Variants in TIAM2 observed in about 807,000 individuals in gnomAD.
TIAM2 encodes the protein TIAM Rac1 associated GEF 2, also known as rho guanine nucleotide exchange factor TIAM2.
In TIAM2, 80 loss-of-function variants were observed where a neutral mutation model predicts 152.9. The observed-to-expected ratio is 0.52, with a 90% CI of 0.44 to 0.63. TIAM2 has a LOEUF of 0.63. Among genes scored for constraint, TIAM2 ranks in the 30% least tolerant of loss-of-function variants. The pLI is 0.00. For synonymous variants in TIAM2, 804 were observed against 838.0 expected (o/e 0.96, Z 0.70); for missense variants, 1,965 against 2,120.1 (o/e 0.93, Z 1.44).
At chr6:155,057,877 C>T (rs913720926) in intron 1 of TIAM2, among the ~76,000 whole-genome samples, 4 of 152,086 alleles carry the variant, frequency 2.6e-5, no homozygotes, top group East Asian at 1.9e-4. Flanking sequence ...AAAGTCACTC[C>T]GCACAGTCCA....
rs150133516 is a variant in TIAM2 at position 155,143,314 on chromosome 6, A to C, written c.1631-1292A>C. Reference sequence around the variant, plus strand: ...ATTATAATGCAATTTCTAATTAATGAAGCAAACTCTTAATAACTTCTACCT... The same window carrying C: ...ATTATAATGCAATTTCTAATTAATGCAGCAAACTCTTAATAACTTCTACCT... On this transcript the variant is annotated intron_variant, in intron 5 of 26. Transcript: ENST00000682666. Among the ~76,000 whole-genome samples, 192 of 152,362 alleles carry C rather than the reference A, an allele frequency of 1.3e-3. 1 individual carries two copies. The highest frequency in any genetic ancestry group is 3.4e-3 in the Middle Eastern group (1 of 294).
chr6:155,079,583 G>A (rs1255193637), intron 1 of TIAM2, among the ~76,000 whole-genome samples: 1 of 152,212 alleles, frequency 6.6e-6, no homozygotes, highest in Non-Finnish European at 1.5e-5. Flanking sequence ...ACAGCTGGGG[G>A]TTCAGATGTT....
intron 2 of TIAM2, among the ~76,000 whole-genome samples, chr6:155,110,893 T>A (rs1221987203): frequency 6.6e-6 from 1 of 152,186 alleles, no homozygotes; most frequent in Non-Finnish European, 1.5e-5. Context: ...GAATAAAGGT[T>A]CAAAAATCCT....
intron 1 of TIAM2, among the ~76,000 whole-genome samples, chr6:155,073,909 C>T (rs4870347): frequency 0.027 from 4,052 of 152,112 alleles, 185 homozygotes; most frequent in Admixed American, 0.13. Flanking sequence ...ATTGGTAATC[C>T]CCACAAAATC....
intron 1 of TIAM2, chr6:155,016,441 C>G (rs1778583365): frequency 1.4e-5 from 2 of 142,738 alleles, no homozygotes; most frequent in African/African-American, 5.0e-5. Context: ...GTTAATGGTG[C>G]TTGGGAGGAG....
chr6:155,157,019 T>A (rs1382191236), intron 7 of TIAM2, among the ~76,000 whole-genome samples: 1 of 152,236 alleles, frequency 6.6e-6, no homozygotes, highest in Non-Finnish European at 1.5e-5. Flanking sequence ...TCCATGGCTT[T>A]GTCATGATTT....
At position 155,218,850 on chromosome 6, in the gene TIAM2, CGACCATCTCAGCCGCCCACCCGTGTTCTT is replaced by C. The variant is rs1781946178; in HGVS notation, c.3168+7587_3168+7615del. On this transcript the variant is annotated intron_variant, in intron 15 of 26. Transcript: ENST00000682666. The surrounding 1 kb of genome is among the most constrained non-coding windows in gnomAD (Gnocchi z 4.5). Reference sequence around the variant, plus strand: ...CATCTCAGCCATCCACCCGTGTTCTCGACCATCTCAGCCGCCCACCCGTGTTCTTGACCATCTCAGCCGCCCACCCGTGT... The same window carrying C: ...CATCTCAGCCATCCACCCGTGTTCTCGACCATCTCAGCCGCCCACCCGTGT... 2.5e-5 allele frequency among the ~76,000 whole-genome samples: 3 copies of C among 121,428 alleles called. No homozygotes were observed. Among genetic ancestry groups the C allele is most frequent in the Admixed American group, 1.7e-4 (2 of 11,606 alleles). 79.7% of individuals were successfully genotyped at this position (121,428 alleles called of 152,430 possible). A position where few individuals can be genotyped will look rare whatever the true frequency, so the allele number is the denominator to read the frequency against.
chr6:155,238,015 G>C (rs1174173249), intron 15 of TIAM2, among the ~76,000 whole-genome samples: 1 of 152,322 alleles, frequency 6.6e-6, no homozygotes, highest in Non-Finnish European at 1.5e-5. Flanking sequence ...GCATTGTCAG[G>C]CTACAAATTT....
At chr6:155,222,725 C>T (rs1782100190) in intron 15 of TIAM2, among the ~76,000 whole-genome samples, 1 of 151,914 alleles carries the variant, frequency 6.6e-6, no homozygotes, top group Non-Finnish European at 1.5e-5. Flanking sequence ...ATCTGTGAAA[C>T]TCAAGGGTCC....
chr6:155,125,737 C>T (rs551685512), intron 2 of TIAM2, among the ~76,000 whole-genome samples: 1 of 151,938 alleles, frequency 6.6e-6, no homozygotes, highest in South Asian at 2.1e-4. Context: ...ACTTGAGAGG[C>T]TGAGGCAGGG....
chr6:155,178,862 G>A (rs1780823140), intron 10 of TIAM2, among the ~76,000 whole-genome samples, 177 bp from the exon 11 acceptor site: 1 of 151,986 alleles, frequency 6.6e-6, no homozygotes, highest in Non-Finnish European at 1.5e-5. Context: ...GGTGTGAGCC[G>A]CTGCCCCTGG....
At chr6:155,085,402 CATTG>C in intron 1 of TIAM2, among the ~76,000 whole-genome samples, 1 of 152,274 alleles carries the variant, frequency 6.6e-6, no homozygotes, top group Admixed American at 6.5e-5. Flanking sequence ...CACCTTTTCT[CATTG>C]ACCTGCATTG....
chr6:155,125,574 C>T (rs1427873231), intron 2 of TIAM2, among the ~76,000 whole-genome samples: 2 of 152,102 alleles, frequency 1.3e-5, no homozygotes, highest in Non-Finnish European at 2.9e-5. Flanking sequence ...CGCGGTGGCT[C>T]ACGCCTGTTA....
At position 155,203,847 on chromosome 6, in the gene TIAM2, C is replaced by G. The variant is rs955369211; in HGVS notation, c.3065-7357C>G. On this transcript the variant is annotated intron_variant, in intron 14 of 26. Coordinates refer to ENST00000682666, the MANE Select transcript of TIAM2 (RefSeq NM_012454.4). ...GAGGGAAACTAATACTCAGAGGGTG[C>G]AAAATGCTATGGGTTGGATGCATTT... 2.1e-4 allele frequency among the ~76,000 whole-genome samples: 32 copies of G among 152,214 alleles called. 1 individual carries two copies. Among genetic ancestry groups the G allele is most frequent in the Admixed American group, 1.6e-3 (25 of 15,290 alleles).
intron 5 of TIAM2, 98 bp from the exon 6 acceptor site, chr6:155,144,504 TCTCA>T: frequency 7.1e-6 from 8 of 1,128,318 alleles, no homozygotes; most frequent in Non-Finnish European, 9.6e-6. Context: ...CACATGATTG[TCTCA>T]CTCAGGTGTT....
chr6:155,179,575 TA>T, intron 12 of TIAM2, 119 bp downstream of exon 12: 1 of 874,406 alleles, frequency 1.1e-6, no homozygotes, highest in Non-Finnish European at 1.7e-6. Context: ...TATATGACAG[TA>T]GTTTCTGAAC....
intron 9 of TIAM2, chr6:155,168,874 T>C: frequency 6.5e-7 from 1 of 1,535,766 alleles, no homozygotes. Context: ...GCCATGGATT[T>C]TCTGGAACTC....
At chr6:155,170,597 T>A (rs1780561434) in intron 9 of TIAM2, among the ~76,000 whole-genome samples, 1 of 152,096 alleles carries the variant, frequency 6.6e-6, no homozygotes, top group African/African-American at 2.4e-5. Context: ...TAAGACCCCA[T>A]CCCTGAAAAA....
At chr6:155,026,555 TAAAG>T (rs1776606407) in intron 1 of TIAM2, among the ~76,000 whole-genome samples, 1 of 152,220 alleles carries the variant, frequency 6.6e-6, no homozygotes, top group Non-Finnish European at 1.5e-5. Flanking sequence ...GTTTTTGTAA[TAAAG>T]AGGCTGCATG....
Sources: allele counts gnomAD v4.1 joint callset (sites outside exome capture counted in the v4.1 genomes callset), GRCh38; gene constraint gnomAD v4.1.1; non-coding constraint Gnocchi (gnomAD v3.1); transcripts MANE v1.5; gene names NCBI Gene and HGNC (gene_info 2026-07-23, HGNC 2026-07-21).